The following CLU variants were observed in gnomAD, a reference collection of about 807,000 sequenced individuals.
CLU encodes clusterin.
A neutral mutation model predicts 46.4 loss-of-function variants in CLU; 25 were observed. The observed-to-expected ratio is 0.54, with a 90% CI of 0.39 to 0.75. CLU has a LOEUF of 0.75. CLU is among the 30% of genes least tolerant of loss of function. The pLI is 0.00. For synonymous variants in CLU, 235 were observed against 235.1 expected, an observed-to-expected ratio of 1.00 and a Z score of 0.00; for missense variants, 504 against 592.1, an observed-to-expected ratio of 0.85 and a Z score of 1.54.
In CLU at chr8:27,597,374, AAGC is replaced by A; in HGVS notation, c.*864_*866del. The stretch of plus-strand genomic sequence containing the variant: ...GCAGCCCAGCTATGGTTCAGACTAA[AAGC>A]CGAGAAACGCCTGTGGTCCAGGGAA... On this transcript the variant is annotated 3_prime_UTR_variant, in exon 9 of 9. Transcript: ENST00000316403. 2.2e-6 allele frequency: 1 copy of A among 454,546 alleles called. No individual in the cohort carries two copies. Among genetic ancestry groups the A allele is most frequent in the Non-Finnish European group, 4.4e-6 (1 of 226,780 alleles). The allele number at this position is 454,546 out of a possible 1,614,324, so 28.2% of individuals were successfully genotyped here. A position where few individuals can be genotyped will look rare whatever the true frequency, so the allele number is the denominator to read the frequency against.
Position 27,598,869 on chromosome 8 carries a change from C to T in CLU, c.1165-234G>A, listed in dbSNP as rs1411990368. On this transcript the variant is annotated intron_variant, in intron 7 of 8. Coordinates refer to ENST00000316403, the MANE Select transcript of CLU (RefSeq NM_001831.4). ...AAATGTCATCTGCAAATGACCAGCCCAGGGAGCACCCCAAAGAATAAAAGT... is the reference window on the plus strand; with the variant it reads ...AAATGTCATCTGCAAATGACCAGCCTAGGGAGCACCCCAAAGAATAAAAGT... 9 of 569,062 alleles carry T rather than the reference C, an allele frequency of 1.6e-5. No individual in the cohort carries two copies. The East Asian group carries it at 2.7e-4, about 17-fold the overall frequency. The allele number at this position is 569,062 out of a possible 1,614,324, so 35.3% of individuals were successfully genotyped here.
At chr8:27,604,439 A>G (rs1800779090) in intron 5 of CLU, 44 bp from the exon 6 acceptor site, 1 of 1,396,176 alleles carries the variant, frequency 7.2e-7, no homozygotes, top group Non-Finnish European at 1.0e-6. Flanking sequence ...CCAGCCATGC[A>G]GAGATGGACT....
At chr8:27,611,976 C>T in intron 1 of CLU, 1 of 359,368 alleles carries the variant, frequency 2.8e-6, no homozygotes, top group Non-Finnish European at 5.4e-6. Context: ...GCAACAACTT[C>T]TGGAAAAACC....
chr8:27,609,683 C>T (rs756488706), intron 2 of CLU, among the ~76,000 whole-genome samples: 4 of 152,152 alleles, frequency 2.6e-5, no homozygotes, highest in African/African-American at 7.2e-5. Context: ...TCCAGCCCCC[C>T]GCCGTGCCCA....
chr8:27,609,914 C>T lies in CLU; in HGVS notation c.97+561G>A, dbSNP rs555759092. ...AATGTATGTGCATTTCAAAACATCA[C>T]GTCATATACCTTAAATATACACAAT... is the stretch of plus-strand genomic sequence containing the variant. On this transcript the variant is annotated intron_variant, in intron 2 of 8. Coordinates refer to ENST00000316403, the MANE Select transcript of CLU (RefSeq NM_001831.4). 3.9e-5 allele frequency among the ~76,000 whole-genome samples: 6 copies of T among 152,186 alleles called. No homozygotes were observed. The South Asian group carries it at 8.3e-4, about 21-fold the overall frequency.
At chr8:27,608,703 G>C (rs1800864919) in intron 3 of CLU, 2 of 602,704 alleles carry the variant, frequency 3.3e-6, no homozygotes, top group Admixed American at 2.9e-5. Flanking sequence ...AATGAATCTG[G>C]GCATTAGGCC....
chr8:27,612,106 G>A, intron 1 of CLU: 1 of 313,898 alleles, frequency 3.2e-6, no homozygotes, highest in South Asian at 2.9e-5. Context: ...TCTGCTCCAG[G>A]GAGCCTGGGG....
intron 7 of CLU, 50 bp from the exon 8 acceptor site, chr8:27,598,685 G>T: frequency 6.4e-7 from 1 of 1,567,600 alleles, no homozygotes; most frequent in Non-Finnish European, 8.8e-7. Flanking sequence ...TGGTCAAAAT[G>T]CATGCGCTCT....
Position 27,597,467 on chromosome 8 carries a change from G to A in CLU, c.*774C>T, listed in dbSNP as rs1175517265. ...GCCACAGTCAAGAAGATGCCCCTGG[G>A]ATGCTGAGCTCTTACAACTCGAAAT... On this transcript the variant is annotated 3_prime_UTR_variant, in exon 9 of 9. Coordinates refer to ENST00000316403, the MANE Select transcript of CLU (RefSeq NM_001831.4). 2 of 454,256 alleles carry A rather than the reference G, an allele frequency of 4.4e-6. No individual in the cohort carries two copies. The highest frequency in any genetic ancestry group is 2.0e-5 in the African/African-American group (1 of 50,018). 28.1% of individuals were successfully genotyped at this position (454,256 alleles called of 1,614,324 possible).
chr8:27,608,542 T>C, intron 3 of CLU: 1 of 357,088 alleles, frequency 2.8e-6, no homozygotes, highest in East Asian at 6.4e-5. Flanking sequence ...AGACGTGGGG[T>C]GCTGTGTGCC....
intron 1 of CLU, chr8:27,611,822 G>C: frequency 2.2e-6 from 1 of 452,120 alleles, no homozygotes; most frequent in Non-Finnish European, 4.4e-6. Context: ...GGCGGAGACC[G>C]GGCTCACCAG....
At position 27,598,609 on chromosome 8, in the gene CLU, G is replaced by A. The variant is rs151154581; in HGVS notation, c.1191C>T (p.Asp397=). The A allele has an allele frequency of 1.2e-4, 194 of 1,614,156 alleles. No individual in the cohort carries two copies. In the African/African-American group the frequency reaches 2.2e-3, roughly 18 times the overall value. The change falls in exon 8 of 9, where the codon GAC becomes GAT. Residue 397 remains aspartate, a synonymous_variant. Coordinates refer to ENST00000316403, the MANE Select transcript of CLU (RefSeq NM_001831.4). ...CCACCTCAGTGACACCGGAAGGAAC[G>A]TCCGAGTCAGAAGTGTGGGAAGCCA... is the stretch of plus-strand genomic sequence containing the variant. ...TTVASHTSDS[D]VPSGVTEVVV... is the part of the protein sequence containing the mutation.
intron 3 of CLU, among the ~76,000 whole-genome samples, chr8:27,607,392 C>A (rs1265195516): frequency 1.3e-5 from 2 of 151,262 alleles, no homozygotes; most frequent in Non-Finnish European, 2.9e-5. Flanking sequence ...TCAAAGGAAT[C>A]CCCTGACAAA....
At chr8:27,602,721 T>C (rs1221141217) in intron 6 of CLU, among the ~76,000 whole-genome samples, 1 of 152,110 alleles carries the variant, frequency 6.6e-6, no homozygotes, top group Non-Finnish European at 1.5e-5. Context: ...CTCTTCAGTG[T>C]AGACTATTTA....
At position 27,597,914 on chromosome 8, in the gene CLU, TC is replaced by T. The variant is rs748743556; in HGVS notation, c.*326del. ...CTTTTTTGTTTCTACTTATTTTCCATCCCCCCTGCCTGCCCCCCATAGCAAA... is the reference window on the plus strand; with the variant it reads ...CTTTTTTGTTTCTACTTATTTTCCATCCCCCTGCCTGCCCCCCATAGCAAA... On this transcript the variant is annotated 3_prime_UTR_variant, in exon 9 of 9. Transcript: ENST00000316403. The T allele has an allele frequency of 7.0e-6, 4 of 574,260 alleles. No individual in the cohort carries two copies. The highest frequency in any genetic ancestry group is 9.8e-6 in the Non-Finnish European group (3 of 306,336). 35.6% of individuals were successfully genotyped at this position (574,260 alleles called of 1,614,324 possible). A position where few individuals can be genotyped will look rare whatever the true frequency, so the allele number is the denominator to read the frequency against.
At chr8:27,610,183 G>C (rs561299078) in intron 2 of CLU, among the ~76,000 whole-genome samples, 2 of 152,180 alleles carry the variant, frequency 1.3e-5, no homozygotes, top group Non-Finnish European at 2.9e-5. Flanking sequence ...GAGGAGGCCT[G>C]GGAGCTGGGC....
chr8:27,606,372 T>C lies in CLU; in HGVS notation c.399A>G (p.Ser133=), dbSNP rs771796524. ...TTTTCACCTGGCGGCCAACCAGGCC[T>C]GAGCCACTTCTGCAGACGCGTGCGT... is the stretch of plus-strand genomic sequence containing the variant. The part of the protein sequence containing the change: ...KFYARVCRSG[S]GLVGRQLEEF... The change falls in exon 4 of 9, where the codon TCA becomes TCG. Residue 133 remains serine (S), a synonymous_variant. Transcript: ENST00000316403. 6.2e-7 allele frequency: 1 copy of C among 1,614,204 alleles called. No homozygotes were observed. Among genetic ancestry groups the C allele is most frequent in the Admixed American group, 1.7e-5 (1 of 60,036 alleles).
chr8:27,610,579 A>G lies in CLU; in HGVS notation c.-8T>C, dbSNP rs372769126. 1.9e-6 allele frequency: 3 copies of G among 1,613,558 alleles called. No homozygotes were observed. The highest frequency in any genetic ancestry group is 2.5e-6 in the Non-Finnish European group (3 of 1,179,564). The stretch of plus-strand genomic sequence containing the variant: ...CAGCAGAGTCTTCATCATGCCTCCA[A>G]TTCTGGAGTCTTTGCACGCCTCTGC... On this transcript the variant is annotated 5_prime_UTR_variant, in exon 2 of 9. Coordinates refer to ENST00000316403, the MANE Select transcript of CLU (RefSeq NM_001831.4).
At chr8:27,611,483 C>T (rs1237485432) in intron 1 of CLU, 2 of 456,512 alleles carry the variant, frequency 4.4e-6, no homozygotes, top group Non-Finnish European at 8.8e-6. Flanking sequence ...GGCCATAGCC[C>T]CGGTCTTACA....
Sources: gnomAD v4.1 joint callset for allele counts (sites outside exome capture counted in the v4.1 genomes callset) on GRCh38, gnomAD v4.1.1 for gene constraint, MANE v1.5 for transcripts, NCBI Gene and HGNC (gene_info 2026-07-23, HGNC 2026-07-21) for gene names.